MICU1: variants seen among roughly 807,000 people sequenced by gnomAD.
The protein encoded by MICU1 is calcium uptake protein 1, mitochondrial.
MICU1 carries 45 observed loss-of-function variants against 56.8 expected under a neutral mutation model. The observed-to-expected ratio is 0.79, with a 90% confidence interval of 0.62 to 1.02. The LOEUF (loss-of-function observed/expected upper bound fraction) is 1.02, where lower values mean the gene tolerates loss of function less well. MICU1 is among the 50% of genes least tolerant of loss of function. MICU1 has a pLI of 0.00. For synonymous variants in MICU1, 186 were observed against 195.1 expected, an observed-to-expected ratio of 0.95 and a Z score of 0.39; for missense variants, 504 against 587.1, an observed-to-expected ratio of 0.86 and a Z score of 1.46.
In MICU1 at chr10:72,569,915, T is replaced by TGAAC. The variant is rs541522389; in HGVS notation, c.-1-3122_-1-3121insGTTC. 2.2e-4 allele frequency among the ~76,000 whole-genome samples: 34 copies of TGAAC among 152,276 alleles called. 2 individuals carry two copies. The East Asian group carries it at 6.4e-3, about 28-fold the overall frequency. ...CAAAGAATCCATGCCCCCTTTGATT[T>TGAAC]TTCTCAAAGCACAGTTCACTGATTC... On this transcript the variant is annotated intron_variant, in intron 1 of 11. Coordinates refer to ENST00000361114, the MANE Select transcript of MICU1 (RefSeq NM_001195518.2).
Position 72,443,294 on chromosome 10 carries a change from C to T in MICU1, c.934-19923G>A, listed in dbSNP as rs541987075. ...AGCCCTTTGTCAGATGAGTAGGTTG[C>T]GAAAATTTTCTCCCATTTTGTGGGT... On this transcript the variant is annotated intron_variant, in intron 8 of 11. Transcript: ENST00000361114. Among the ~76,000 whole-genome samples, 412 of 152,106 alleles carry T rather than the reference C, an allele frequency of 2.7e-3. 4 individuals carry two copies. The highest frequency in any genetic ancestry group is 9.4e-3 in the African/African-American group (391 of 41,500).
chr10:72,524,172 G>A (rs1204468390), intron 5 of MICU1, among the ~76,000 whole-genome samples: 1 of 152,074 alleles, frequency 6.6e-6, no homozygotes, highest in Non-Finnish European at 1.5e-5. Context: ...ACCCAGGCTG[G>A]AGTAGTGTCA....
chr10:72,611,336 G>C lies in MICU1; in HGVS notation c.-2+14674C>G, dbSNP rs574847010. On this transcript the variant is annotated intron_variant, in intron 1 of 11. Coordinates refer to ENST00000361114, the MANE Select transcript of MICU1 (RefSeq NM_001195518.2). ...AAAAGAAAGAAAGAAAAAAGGCCGGGAGCAGTTGCTCACATCTGTAATCCC... is the reference window on the plus strand; with the variant it reads ...AAAAGAAAGAAAGAAAAAAGGCCGGCAGCAGTTGCTCACATCTGTAATCCC... 4.0e-5 allele frequency among the ~76,000 whole-genome samples: 6 copies of C among 151,168 alleles called. No homozygotes were observed. In the East Asian group the frequency reaches 1.2e-3, roughly 30 times the overall value.
At position 72,616,460 on chromosome 10, in the gene MICU1, G is replaced by A. The variant is rs144097224; in HGVS notation, c.-2+9550C>T. On this transcript the variant is annotated intron_variant, in intron 1 of 11. Coordinates refer to ENST00000361114, the MANE Select transcript of MICU1 (RefSeq NM_001195518.2). ...AAATTAGCCAGGCATGGTGGTGCAC[G>A]CCTGTAATCCCAGCTACTTGGGAGG... 2.5e-3 allele frequency among the ~76,000 whole-genome samples: 381 copies of A among 151,862 alleles called. 1 individual carries two copies. The highest frequency in any genetic ancestry group is 8.3e-3 in the African/African-American group (342 of 41,420).
chr10:72,433,251 A>T (rs1180549544), intron 8 of MICU1, among the ~76,000 whole-genome samples: 1 of 149,576 alleles, frequency 6.7e-6, no homozygotes, highest in Non-Finnish European at 1.5e-5. Context: ...TTTTCTTCGC[A>T]ATTTTTTTTT....
At chr10:72,601,786 TTC>T (rs1217587525) in intron 1 of MICU1, among the ~76,000 whole-genome samples, 1 of 66,528 alleles carries the variant, frequency 1.5e-5, no homozygotes, top group Non-Finnish European at 3.0e-5. Flanking sequence ...TATTTTAAAT[TTC>T]TTTTTTTCTT....
intron 5 of MICU1, among the ~76,000 whole-genome samples, chr10:72,523,057 C>T (rs1177072617): frequency 6.6e-6 from 1 of 152,186 alleles, no homozygotes; most frequent in East Asian, 1.9e-4. Flanking sequence ...GTGTGGTTGA[C>T]TACTTAATGC....
In MICU1 at chr10:72,446,231, C is replaced by A. The variant is rs1042611182; in HGVS notation, c.934-22860G>T. On this transcript the variant is annotated intron_variant, in intron 8 of 11. Coordinates refer to ENST00000361114, the MANE Select transcript of MICU1 (RefSeq NM_001195518.2). ...AAAAAAAATTCAGAAGAGTTGGATC[C>A]TGAGTATGAAGAAATTTTAGACCAA... Among the ~76,000 whole-genome samples the A allele has an allele frequency of 3.3e-5, 5 of 152,178 alleles. No individual in the cohort carries two copies. In the South Asian group the frequency reaches 1.0e-3, roughly 32 times the overall value.
chr10:72,548,638 T>C (rs907685702), intron 4 of MICU1, among the ~76,000 whole-genome samples: 2 of 152,114 alleles, frequency 1.3e-5, no homozygotes, highest in Non-Finnish European at 2.9e-5. Context: ...AACATATGGG[T>C]TGATTATATT....
intron 5 of MICU1, among the ~76,000 whole-genome samples, chr10:72,520,917 C>T (rs1414015137): frequency 6.6e-6 from 1 of 152,086 alleles, no homozygotes; most frequent in Non-Finnish European, 1.5e-5. Flanking sequence ...TTTCTGCATA[C>T]TAGCTTCAAA....
intron 10 of MICU1, among the ~76,000 whole-genome samples, chr10:72,404,967 C>T (rs935767581): frequency 1.1e-4 from 16 of 152,286 alleles, no homozygotes; most frequent in East Asian, 9.6e-4. Flanking sequence ...AGTGCAGTGG[C>T]GTGATCTCAG....
At position 72,591,017 on chromosome 10, in the gene MICU1, G is replaced by A. The variant is rs146998599; in HGVS notation, c.-1-24223C>T. 3.4e-3 allele frequency among the ~76,000 whole-genome samples: 524 copies of A among 152,026 alleles called. 3 individuals carry two copies. The highest frequency in any genetic ancestry group is 0.011 in the African/African-American group (474 of 41,470). On this transcript the variant is annotated intron_variant, in intron 1 of 11. Coordinates refer to ENST00000361114, the MANE Select transcript of MICU1 (RefSeq NM_001195518.2). ...CACAAATTAAGTCTCAATAGATTTT[G>A]AAACATAGATTACTTATAAATTATC...
chr10:72,520,713 A>G (rs1867792123), intron 5 of MICU1, among the ~76,000 whole-genome samples: 1 of 152,162 alleles, frequency 6.6e-6, no homozygotes. Context: ...GGTACAAATG[A>G]AGATGTTTTT....
intron 5 of MICU1, among the ~76,000 whole-genome samples, chr10:72,527,280 TCA>T (rs1219354184): frequency 6.6e-6 from 1 of 152,168 alleles, no homozygotes; most frequent in Non-Finnish European, 1.5e-5. Context: ...GAAGGTGGTA[TCA>T]CATAGTGTTC....
intron 5 of MICU1, among the ~76,000 whole-genome samples, chr10:72,516,667 C>T (rs1051216526): frequency 2.6e-5 from 4 of 152,114 alleles, no homozygotes; most frequent in Admixed American, 2.0e-4. Context: ...AGTCAGGTTT[C>T]CCAGCACCAT....
chr10:72,565,456 A>C (rs1420009208), intron 2 of MICU1, among the ~76,000 whole-genome samples: 2 of 127,186 alleles, frequency 1.6e-5, no homozygotes, highest in Admixed American at 1.0e-4. Context: ...ACATGGACAC[A>C]GGAAGGGGAA....
At chr10:72,458,426 G>A (rs1232270750) in intron 8 of MICU1, among the ~76,000 whole-genome samples, 1 of 152,054 alleles carries the variant, frequency 6.6e-6, no homozygotes, top group Admixed American at 6.6e-5. Flanking sequence ...ACATCTCACT[G>A]ATCAATATAA....
chr10:72,454,124 G>A (rs1302810511), intron 8 of MICU1, among the ~76,000 whole-genome samples: 3 of 151,846 alleles, frequency 2.0e-5, no homozygotes, highest in Non-Finnish European at 2.9e-5. Flanking sequence ...GAGCTACCCC[G>A]CCGGGCCCCA....
intron 10 of MICU1, among the ~76,000 whole-genome samples, chr10:72,400,866 T>TAC (rs61091649): frequency 0.043 from 6,114 of 142,272 alleles, 138 homozygotes; most frequent in South Asian, 0.085. Context: ...CTGGTGGTGC[T>TAC]ACACACACAC....
Sources: gnomAD v4.1 joint callset for allele counts (sites outside exome capture counted in the v4.1 genomes callset) on GRCh38, gnomAD v4.1.1 for gene constraint, MANE v1.5 for transcripts, NCBI Gene and HGNC (gene_info 2026-07-23, HGNC 2026-07-21) for gene names.